INSIG1: variants seen among roughly 807,000 people sequenced by gnomAD.
INSIG1 encodes the protein insulin induced gene 1.
A neutral mutation model predicts 26.5 loss-of-function variants in INSIG1; 14 were observed. The ratio of observed to expected loss-of-function variants is 0.53; its 90% CI spans 0.35 to 0.83. The LOEUF (loss-of-function observed/expected upper bound fraction) is 0.83. Ranked by LOEUF, INSIG1 falls within the 40% of genes least tolerant of loss-of-function variation. The pLI, the probability that INSIG1 is intolerant of heterozygous loss-of-function variation, is 0.01. For synonymous variants in INSIG1, 147 were observed against 153.3 expected, an observed-to-expected ratio of 0.96 and a Z score of 0.30; for missense variants, 272 against 368.9, an observed-to-expected ratio of 0.74 and a Z score of 2.15.
chr7:155,304,026 C>A, intron 5 of INSIG1: 1 of 331,968 alleles, frequency 3.0e-6, no homozygotes, highest in Non-Finnish European at 5.6e-6. Context: ...TGCAGTGGTG[C>A]CATCATAGCT....
In INSIG1 at chr7:155,302,906, CTT is replaced by C; in HGVS notation, c.804+62_804+63del. On this transcript the variant is annotated intron_variant, in intron 5 of 5. Coordinates refer to ENST00000340368, the MANE Select transcript of INSIG1 (RefSeq NM_005542.6). This position sits in a 1 kb window ranked among gnomAD's most constrained non-coding sequence, Gnocchi z 4.3. Reference sequence around the variant, plus strand: ...GCGTCTCTTTACCTTGATAGAATGACTTTACATGATACATTCAAATTTGCGTT... The same window carrying C: ...GCGTCTCTTTACCTTGATAGAATGACTACATGATACATTCAAATTTGCGTT... 3 of 1,123,230 alleles carry C rather than the reference CTT, an allele frequency of 2.7e-6. No homozygotes were observed. The South Asian group carries it at 3.8e-5, about 14-fold the overall frequency. The allele number at this position is 1,123,230 out of a possible 1,614,324, so 69.6% of individuals were successfully genotyped here.
Position 155,298,548 on chromosome 7 carries a change from G to T in INSIG1, c.263G>T (p.Ser88Ile), listed in dbSNP as rs1265830529. 6.2e-7 allele frequency: 1 copy of T among 1,607,132 alleles called. No individual in the cohort carries two copies. Among genetic ancestry groups the T allele is most frequent in the South Asian group, 1.1e-5 (1 of 89,934 alleles). The stretch of plus-strand genomic sequence containing the variant: ...TGGCATCATCGCCTGTTGCAGAGGA[G>T]CCTCGTGCTCTTCTCGGTTGGGGTG... ...NTWHHRLLQR[S>I]LVLFSVGVVL... Residue 88 changes from serine to isoleucine, a missense_variant, in exon 2 of 6, where the codon AGC (serine) becomes ATC (isoleucine). This residue lies in a region of INSIG1 where 161 missense variants were observed against 179.2 expected (regional missense o/e 0.90). Transcript: ENST00000340368.
intron 2 of INSIG1, among the ~76,000 whole-genome samples, chr7:155,300,606 C>T (rs570746854): frequency 6.6e-6 from 1 of 152,264 alleles, no homozygotes; most frequent in African/African-American, 2.4e-5. Context: ...CGGCACCCCA[C>T]TCCCCCCTAC....
chr7:155,306,780 G>C (rs568561493), intron 5 of INSIG1, among the ~76,000 whole-genome samples: 4 of 152,220 alleles, frequency 2.6e-5, no homozygotes, highest in African/African-American at 7.2e-5. Context: ...CTTCTCATTA[G>C]CATACCACAC....
Position 155,298,084 on chromosome 7 carries a change from G to A in INSIG1, c.-28+125G>A, listed in dbSNP as rs955244740. ...GGACGCGGGTCCCGCTGGGGCCGGG[G>A]ATGCTGCTCGCTGTGAGCGCGGGTC... On this transcript the variant is annotated intron_variant, in intron 1 of 5. Transcript: ENST00000340368. 6 of 445,328 alleles carry A rather than the reference G, an allele frequency of 1.3e-5. No individual in the cohort carries two copies. In the Admixed American group the frequency reaches 1.8e-4, roughly 13 times the overall value. The allele number at this position is 445,328 out of a possible 1,614,324, so 27.6% of individuals were successfully genotyped here. A position where few individuals can be genotyped will look rare whatever the true frequency, so the allele number is the denominator to read the frequency against.
In INSIG1 at chr7:155,298,537, G is replaced by C; in HGVS notation, c.252G>C (p.Leu84=). Reference sequence around the variant, plus strand: ...ACCCCAACACCTGGCATCATCGCCTGTTGCAGAGGAGCCTCGTGCTCTTCT... The same window carrying C: ...ACCCCAACACCTGGCATCATCGCCTCTTGCAGAGGAGCCTCGTGCTCTTCT... ...SPYPNTWHHR[L]LQRSLVLFSV... Residue 84 remains leucine (L), a synonymous_variant, in exon 2 of 6, where the codon CTG becomes CTC. Coordinates refer to ENST00000340368, the MANE Select transcript of INSIG1 (RefSeq NM_005542.6). The C allele has an allele frequency of 6.2e-7, 1 of 1,603,564 alleles. No homozygotes were observed. The highest frequency in any genetic ancestry group is 8.5e-7 in the Non-Finnish European group (1 of 1,175,124).
At chr7:155,303,843 G>T (rs1319252177) in intron 5 of INSIG1, 1 of 1,365,786 alleles carries the variant, frequency 7.3e-7, no homozygotes, top group Non-Finnish European at 9.8e-7. Flanking sequence ...CTTCTGTGAG[G>T]AGTTGAATTT....
At chr7:155,301,756 T>A (rs150728476) in intron 3 of INSIG1, 66 bp downstream of exon 3, 1 of 1,394,776 alleles carries the variant, frequency 7.2e-7, no homozygotes, top group Non-Finnish European at 9.5e-7. Flanking sequence ...GCGTTTTGTT[T>A]TGTTATATAC....
intron 5 of INSIG1, among the ~76,000 whole-genome samples, chr7:155,305,444 CGT>C (rs1266923650): frequency 6.6e-6 from 1 of 152,120 alleles, no homozygotes; most frequent in Non-Finnish European, 1.5e-5. Flanking sequence ...ATTCGTGGTG[CGT>C]GTTTTCTCCC....
intron 2 of INSIG1, 40 bp downstream of exon 2, chr7:155,298,737 G>C (rs1371555631): frequency 1.3e-6 from 2 of 1,567,328 alleles, no homozygotes; most frequent in Non-Finnish European, 1.7e-6. Flanking sequence ...TAAAAAGGGT[G>C]TCTTTTCGGT....
At position 155,309,075 on chromosome 7, in the gene INSIG1, C is replaced by T. The variant is rs1798016841; in HGVS notation, c.*805C>T. 1 of 152,524 alleles carries T rather than the reference C, an allele frequency of 6.6e-6. No individual in the cohort carries two copies. Among genetic ancestry groups the T allele is most frequent in the Non-Finnish European group, 1.5e-5 (1 of 68,028 alleles). 9.4% of individuals were successfully genotyped at this position (152,524 alleles called of 1,614,324 possible). ...TGCCATGTATTTCAATCTTAGTGAG[C>T]CAAAATTGTTTGTTTGTTACTACAG... On this transcript the variant is annotated 3_prime_UTR_variant, in exon 6 of 6. Coordinates refer to ENST00000340368, the MANE Select transcript of INSIG1 (RefSeq NM_005542.6).
rs181728515 is a variant in INSIG1, at chr7:155,308,078, C to T, written c.805-163C>T. Among the ~76,000 whole-genome samples, 96 of 152,274 alleles carry T rather than the reference C, an allele frequency of 6.3e-4. No individual in the cohort carries two copies. In the East Asian group the frequency reaches 0.015, roughly 24 times the overall value. On this transcript the variant is annotated intron_variant, in intron 5 of 5. Coordinates refer to ENST00000340368, the MANE Select transcript of INSIG1 (RefSeq NM_005542.6). ...GCAGGGGAGCTGGGAGAGCTGGCCTCGGTCTCCAGTTCTCTGCACATGTCC... is the reference window on the plus strand; with the variant it reads ...GCAGGGGAGCTGGGAGAGCTGGCCTTGGTCTCCAGTTCTCTGCACATGTCC...
chr7:155,298,142 G>T (rs929755659), intron 1 of INSIG1, 117 bp from the exon 2 acceptor site: 5 of 815,834 alleles, frequency 6.1e-6, no homozygotes, highest in African/African-American at 5.4e-5. Flanking sequence ...GGGCGCACGG[G>T]GGTCTAACCT....
intron 2 of INSIG1, among the ~76,000 whole-genome samples, chr7:155,300,518 T>A (rs569161132): frequency 1.3e-5 from 2 of 152,284 alleles, no homozygotes; most frequent in Admixed American, 1.3e-4. Context: ...CATACTACAC[T>A]GAGGTGAAAC....
In INSIG1 at chr7:155,310,084, G is replaced by A. The variant is rs1798044936; in HGVS notation, c.*1814G>A. On this transcript the variant is annotated 3_prime_UTR_variant, in exon 6 of 6. Coordinates refer to ENST00000340368, the MANE Select transcript of INSIG1 (RefSeq NM_005542.6). ...GTTTATAGAAAATATATGAACCAAAGTGATTTGAGTTTGTAAAAATGTAAA... is the reference window on the plus strand; with the variant it reads ...GTTTATAGAAAATATATGAACCAAAATGATTTGAGTTTGTAAAAATGTAAA... 1.3e-5 allele frequency: 2 copies of A among 152,594 alleles called. No homozygotes were observed. Among genetic ancestry groups the A allele is most frequent in the African/African-American group, 4.8e-5 (2 of 41,420 alleles). 9.5% of individuals were successfully genotyped at this position (152,594 alleles called of 1,614,324 possible). A position where few individuals can be genotyped will look rare whatever the true frequency, so the allele number is the denominator to read the frequency against.
chr7:155,300,873 G>C (rs1037291522), intron 2 of INSIG1, among the ~76,000 whole-genome samples: 1 of 152,176 alleles, frequency 6.6e-6, no homozygotes, highest in Non-Finnish European at 1.5e-5. Flanking sequence ...TGTTCTTTCC[G>C]CAGCTTGAGG....
chr7:155,306,968 C>T (rs1201815276), intron 5 of INSIG1, among the ~76,000 whole-genome samples: 1 of 152,240 alleles, frequency 6.6e-6, no homozygotes, highest in East Asian at 1.9e-4. Context: ...GGCGTCTTTG[C>T]CAGGCCTCAC....
chr7:155,306,122 C>T (rs939836881), intron 5 of INSIG1, among the ~76,000 whole-genome samples: 21 of 152,188 alleles, frequency 1.4e-4, no homozygotes, highest in African/African-American at 5.1e-4. Context: ...GCCTCAGCCT[C>T]CCAAGTAGCT....
chr7:155,302,241 A>G lies in INSIG1; in HGVS notation c.538-10A>G, dbSNP rs201303039. 22 of 1,544,972 alleles carry G rather than the reference A, an allele frequency of 1.4e-5. No individual in the cohort carries two copies. The East Asian group carries it at 4.3e-4, about 30-fold the overall frequency. ...GTCAGCAAACTTTTCCTTAACTTTT[A>G]TATCACCAGAAATTGGATTTTGCCA... is the stretch of plus-strand genomic sequence containing the variant. On this transcript the variant is annotated splice_polypyrimidine_tract_variant and intron_variant, in intron 3 of 5. Transcript: ENST00000340368. This position sits in a 1 kb window ranked among gnomAD's most constrained non-coding sequence, Gnocchi z 4.3.
Sources: gnomAD v4.1 joint callset for allele counts (sites outside exome capture counted in the v4.1 genomes callset) on GRCh38, gnomAD v4.1.1 for gene constraint, gnomAD v4.1.1 regional missense constraint, Gnocchi (gnomAD v3.1) non-coding constraint, MANE v1.5 for transcripts, NCBI Gene and HGNC (gene_info 2026-07-23, HGNC 2026-07-21) for gene names.